ASXL1: variants seen among roughly 807,000 people sequenced by gnomAD.
ASXL1 encodes the protein ASXL transcriptional regulator 1.
A neutral mutation model predicts 89.1 loss-of-function variants in ASXL1; 65 were observed. The ratio of observed to expected loss-of-function variants is 0.73; its 90% CI spans 0.60 to 0.90. The LOEUF (loss-of-function observed/expected upper bound fraction) is 0.90. ASXL1 is among the 40% of genes least tolerant of loss of function. The probability of loss-of-function intolerance (pLI) is 0.00; values close to 1 mark genes in which losing one functional copy is unlikely to be tolerated. For missense variants in ASXL1, 1,786 were observed against 1,942.9 expected, an observed-to-expected ratio of 0.92 and a Z score of 1.52; for synonymous variants, 739 against 746.9, an observed-to-expected ratio of 0.99 and a Z score of 0.17.
rs563389769 is a variant in ASXL1, at chr20:32,390,408, G to T, written c.252+21285G>T. The stretch of plus-strand genomic sequence containing the variant: ...ATACAGGAAATTCACCTTTTTTTGT[G>T]TATAGTCTTGTAAGTTTTGACAGAT... On this transcript the variant is annotated intron_variant, in intron 4 of 12. Transcript: ENST00000375687. Among the ~76,000 whole-genome samples the T allele has an allele frequency of 2.6e-5, 4 of 152,114 alleles. No individual in the cohort carries two copies. In the South Asian group the frequency reaches 6.2e-4, roughly 24 times the overall value.
At chr20:32,422,213 A>G (rs553566467) in intron 4 of ASXL1, among the ~76,000 whole-genome samples, 1 of 151,232 alleles carries the variant, frequency 6.6e-6, no homozygotes, top group Non-Finnish European at 1.5e-5. Flanking sequence ...TTGATTAGGA[A>G]GGGGCACAAG....
At chr20:32,400,118 C>T (rs1181466416) in intron 4 of ASXL1, among the ~76,000 whole-genome samples, 1 of 152,012 alleles carries the variant, frequency 6.6e-6, no homozygotes, top group African/African-American at 2.4e-5. Context: ...AAAATCTTTC[C>T]TGTCTCTACT....
chr20:32,400,772 C>T (rs2048859110), intron 4 of ASXL1, among the ~76,000 whole-genome samples: 1 of 152,214 alleles, frequency 6.6e-6, no homozygotes, highest in African/African-American at 2.4e-5. Context: ...CTCCATAGGG[C>T]TTCTGCTTCT....
Position 32,393,510 on chromosome 20 carries a change from C to T in ASXL1, c.252+24387C>T, listed in dbSNP as rs1389044536. 3.9e-5 allele frequency among the ~76,000 whole-genome samples: 6 copies of T among 151,992 alleles called. No homozygotes were observed. In the South Asian group the frequency reaches 6.2e-4, roughly 16 times the overall value. ...TTTTTGAGATGGAGTCTCGCCCTGTCGCCCAGGCTGCAGTGCAGTGGCACG... is the reference window on the plus strand; with the variant it reads ...TTTTTGAGATGGAGTCTCGCCCTGTTGCCCAGGCTGCAGTGCAGTGGCACG... On this transcript the variant is annotated intron_variant, in intron 4 of 12. Coordinates refer to ENST00000375687, the MANE Select transcript of ASXL1 (RefSeq NM_015338.6).
intron 4 of ASXL1, among the ~76,000 whole-genome samples, chr20:32,392,016 G>A (rs188415637): frequency 9.3e-5 from 14 of 150,262 alleles, no homozygotes; most frequent in African/African-American, 3.4e-4. Context: ...GACCTAATGT[G>A]TGTCTAGTTT....
intron 4 of ASXL1, among the ~76,000 whole-genome samples, chr20:32,422,018 G>A (rs1384372707): frequency 1.3e-5 from 2 of 150,524 alleles, no homozygotes; most frequent in Non-Finnish European, 3.0e-5. Context: ...ACAGGCGACC[G>A]CCACCACTCC....
At chr20:32,359,552 A>G (rs897937822) in intron 1 of ASXL1, 5 of 651,392 alleles carry the variant, frequency 7.7e-6, no homozygotes, top group Non-Finnish European at 1.4e-5. Context: ...CACGGACCCC[A>G]CTTTGAGAAA....
intron 11 of ASXL1, 139 bp from the exon 12 acceptor site, chr20:32,433,145 G>T: frequency 6.5e-7 from 1 of 1,537,724 alleles, no homozygotes; most frequent in Middle Eastern, 1.8e-4. Context: ...GCTAACAGAA[G>T]TTTTTCCATG....
chr20:32,427,051 T>C (rs1308344576), intron 4 of ASXL1: 2 of 152,168 alleles, frequency 1.3e-5, no homozygotes, highest in Non-Finnish European at 2.9e-5. Context: ...ATACTTTTAT[T>C]CAAAGAAGAC....
At chr20:32,395,667 T>C (rs569548718) in intron 4 of ASXL1, among the ~76,000 whole-genome samples, 1 of 152,222 alleles carries the variant, frequency 6.6e-6, no homozygotes, top group Non-Finnish European at 1.5e-5. Context: ...TGATGCACTG[T>C]TATGTTTTTT....
chr20:32,432,659 GTT>G lies in ASXL1; in HGVS notation c.980-219_980-218del, dbSNP rs1302834000. 6.0e-5 allele frequency: 31 copies of G among 517,968 alleles called. No individual in the cohort carries two copies. In the East Asian group the frequency reaches 1.1e-3, roughly 19 times the overall value. The allele number at this position is 517,968 out of a possible 1,614,324, so 32.1% of individuals were successfully genotyped here. On this transcript the variant is annotated intron_variant, in intron 10 of 12. Transcript: ENST00000375687. ...CACAGGAAATATGAATGGTTCTTTT[GTT>G]TGTTGTTTTGCTTTTTCGATCAAGG...
chr20:32,358,444 G>T lies in ASXL1; in HGVS notation c.-332G>T, dbSNP rs1213747550. ...TCCTGTCTCAGTCCCTCAGCAGAGCGGGAAAGCGGAGGCCGGAGCCGTGAC... is the reference window on the plus strand; with the variant it reads ...TCCTGTCTCAGTCCCTCAGCAGAGCTGGAAAGCGGAGGCCGGAGCCGTGAC... On this transcript the variant is annotated 5_prime_UTR_variant, in exon 1 of 13. Coordinates refer to ENST00000375687, the MANE Select transcript of ASXL1 (RefSeq NM_015338.6). The T allele has an allele frequency of 4.3e-6, 1 of 232,372 alleles. No homozygotes were observed. The highest frequency in any genetic ancestry group is 5.6e-5 in the Admixed American group (1 of 17,720). 14.4% of individuals were successfully genotyped at this position (232,372 alleles called of 1,614,324 possible). A position where few individuals can be genotyped will look rare whatever the true frequency, so the allele number is the denominator to read the frequency against.
At chr20:32,400,941 A>G (rs745656132) in intron 4 of ASXL1, among the ~76,000 whole-genome samples, 4 of 152,182 alleles carry the variant, frequency 2.6e-5, no homozygotes, top group African/African-American at 7.2e-5. Context: ...TAGTGGTTTA[A>G]GGTGAGAGGG....
At chr20:32,374,369 C>T (rs2122870263) in intron 4 of ASXL1, among the ~76,000 whole-genome samples, 1 of 152,264 alleles carries the variant, frequency 6.6e-6, no homozygotes, top group South Asian at 2.1e-4. Context: ...TCATAGCTCA[C>T]TACAACCTTG....
At chr20:32,375,670 G>T (rs548024657) in intron 4 of ASXL1, among the ~76,000 whole-genome samples, 3,805 of 149,346 alleles carry the variant, frequency 0.025, 121 homozygotes, top group Admixed American at 0.087. Context: ...TAAGTAGTTT[G>T]TTTTTTTTGT....
chr20:32,364,763 A>G (rs530626538), intron 1 of ASXL1, among the ~76,000 whole-genome samples: 21 of 152,262 alleles, frequency 1.4e-4, no homozygotes, highest in Non-Finnish European at 2.5e-4. Context: ...ACCTCAGTCT[A>G]TAACATGTAA....
At chr20:32,377,332 A>G (rs2048403820) in intron 4 of ASXL1, among the ~76,000 whole-genome samples, 1 of 151,264 alleles carries the variant, frequency 6.6e-6, no homozygotes, top group Non-Finnish European at 1.5e-5. Context: ...AATAATTGCA[A>G]TTTTTTATTT....
In ASXL1 at chr20:32,437,058, T is replaced by G; in HGVS notation, c.4346T>G (p.Leu1449Arg). The G allele has an allele frequency of 6.2e-7, 1 of 1,614,204 alleles. No homozygotes were observed. ...TATGGGAAGCTTTCTAAACTCCAAC[T>G]GAGTTCCACCAGCTTTAATTATTCC... is the stretch of plus-strand genomic sequence containing the variant. ...AFYGKLSKLQ[L>R]SSTSFNYSSS... The change falls in exon 13 of 13, where the codon CTG becomes CGG. Residue 1449 changes from leucine (L) to arginine (R), a missense_variant. By Grantham distance (102) the Leu-to-Arg change is moderately radical. Transcript: ENST00000375687.
At chr20:32,431,131 C>T in intron 8 of ASXL1, 190 bp from the exon 9 acceptor site, 1 of 756,106 alleles carries the variant, frequency 1.3e-6, no homozygotes, top group Non-Finnish European at 2.3e-6. Context: ...CCCAAGTGTT[C>T]TCCTGGGTTT....
Sources: allele counts gnomAD v4.1 joint callset (sites outside exome capture counted in the v4.1 genomes callset), GRCh38; gene constraint gnomAD v4.1.1; transcripts MANE v1.5; gene names NCBI Gene and HGNC (gene_info 2026-07-23, HGNC 2026-07-21).